The following PDZD4 variants were observed in gnomAD, a reference collection of about 807,000 sequenced individuals.
PDZD4 encodes the protein PDZ domain containing 4.
Under a neutral mutation model 38.5 loss-of-function variants are expected in PDZD4, and 9 were observed. The ratio of observed to expected loss-of-function variants is 0.23; its 90% CI spans 0.14 to 0.41. PDZD4 has a LOEUF of 0.41. PDZD4 is among the 10% of genes least tolerant of loss of function. The pLI, the probability that PDZD4 is intolerant of heterozygous loss-of-function variation, is 1.00. For missense variants in PDZD4, 612 were observed against 722.0 expected (o/e 0.85, Z 1.75); for synonymous variants, 349 against 315.7 (o/e 1.11, Z -1.12).
rs782159463 is a variant in PDZD4 at position 153,830,324 on chromosome X, A to AG, written c.-27dup. 1 of 1,186,678 alleles carries AG rather than the reference A, an allele frequency of 8.4e-7. No homozygotes were observed. The highest frequency in any genetic ancestry group is 3.1e-5 in the East Asian group (1 of 32,195). ...GTTGCTGGCCGGCGAGAGGAGGCGG[A>AG]GGGCGGGAACGGGAAGACGCCTTTC... On this transcript the variant is annotated 5_prime_UTR_variant, in exon 1 of 8. Transcript: ENST00000393758.
At chrX:153,808,634 C>T (rs1557078089) in intron 1 of PDZD4, 39 bp from the exon 2 acceptor site, 2 of 1,113,642 alleles carry the variant, frequency 1.8e-6, no homozygotes, top group South Asian at 2.3e-5. Context: ...CCCTCAAAGG[C>T]TTGCTCCTCC....
chrX:153,806,917 C>A (rs2064256589), intron 3 of PDZD4, 77 bp from the exon 4 acceptor site: 36 of 896,470 alleles, frequency 4.0e-5, no homozygotes, highest in Non-Finnish European at 5.8e-5. Flanking sequence ...GCAGCACAGC[C>A]CAGCCCCTCA....
rs782328094 is a variant in PDZD4, at chrX:153,805,618, A to G, written c.568-12T>C. ...TCTACACCGTTAATCTGAGGCAGGC[A>G]GGATACAATCAACAAGCATGCTAGG... On this transcript the variant is annotated splice_polypyrimidine_tract_variant and intron_variant, in intron 5 of 7. Coordinates refer to ENST00000393758, the MANE Select transcript of PDZD4 (RefSeq NM_001303512.2). The G allele has an allele frequency of 1.7e-6, 2 of 1,190,826 alleles. No homozygotes were observed. Among genetic ancestry groups the G allele is most frequent in the South Asian group, 3.5e-5 (2 of 56,619 alleles).
At chrX:153,819,652 G>T (rs1456407598) in intron 1 of PDZD4, among the ~76,000 whole-genome samples, 5 of 112,477 alleles carry the variant, frequency 4.4e-5, no homozygotes, top group African/African-American at 1.6e-4. Flanking sequence ...CTGCCGTCTG[G>T]AGTATCCAGG....
intron 1 of PDZD4, among the ~76,000 whole-genome samples, chrX:153,812,901 A>C: frequency 9.5e-6 from 1 of 105,236 alleles, no homozygotes; most frequent in African/African-American, 3.5e-5. Flanking sequence ...CTACTCGACC[A>C]CTCCAGTCTC....
intron 1 of PDZD4, among the ~76,000 whole-genome samples, chrX:153,818,083 G>A (rs1455973230): frequency 1.8e-5 from 2 of 111,601 alleles, no homozygotes; most frequent in Admixed American, 9.5e-5. Context: ...CTATCTCTAC[G>A]AAAAATACAA....
chrX:153,825,275 GTACCAGGGGTT>G (rs1557082289), intron 1 of PDZD4, among the ~76,000 whole-genome samples: 1 of 112,540 alleles, frequency 8.9e-6, no homozygotes, highest in Admixed American at 9.4e-5. Context: ...CCAGTCCTAA[GTACCAGGGGTT>G]TATCCCCTGA....
At chrX:153,830,070 C>T in intron 1 of PDZD4, 169 bp downstream of exon 1, 1 of 567,951 alleles carries the variant, frequency 1.8e-6, no homozygotes, top group Non-Finnish European at 2.5e-6. Flanking sequence ...TGGCTGGTTC[C>T]CACGGAGCGC....
In PDZD4 at chrX:153,806,657, G is replaced by A. The variant is rs1603262017; in HGVS notation, c.504+85C>T. 73 of 876,457 alleles carry A rather than the reference G, an allele frequency of 8.3e-5. 1 individual carries two copies. The South Asian group carries it at 1.3e-3, about 16-fold the overall frequency. The allele number at this position is 876,457 out of a possible 1,213,427, so 72.2% of individuals were successfully genotyped here. A position where few individuals can be genotyped will look rare whatever the true frequency, so the allele number is the denominator to read the frequency against. On this transcript the variant is annotated intron_variant, in intron 4 of 7. Transcript: ENST00000393758. Reference sequence around the variant, plus strand: ...CCCTAGCTGTGATGCCCTGTTTCTGGTAGCTGGGACCTTAAGGGCAGCCTC... The same window carrying A: ...CCCTAGCTGTGATGCCCTGTTTCTGATAGCTGGGACCTTAAGGGCAGCCTC...
rs2064531423 is a variant in PDZD4, at chrX:153,830,431, G to T, written c.-133C>A. 1 of 485,547 alleles carries T rather than the reference G, an allele frequency of 2.1e-6. No homozygotes were observed. The highest frequency in any genetic ancestry group is 3.5e-5 in the South Asian group (1 of 28,509). 40.0% of individuals were successfully genotyped at this position (485,547 alleles called of 1,213,427 possible). ...CGCGGGGGGCGGGCCGCCTAGCGGG[G>T]GAGGGGGGCACGCCCCCGAGGTGGG... is the stretch of plus-strand genomic sequence containing the variant. On this transcript the variant is annotated 5_prime_UTR_variant, in exon 1 of 8. Transcript: ENST00000393758.
At chrX:153,811,388 C>A (rs1398051687) in intron 1 of PDZD4, among the ~76,000 whole-genome samples, 4 of 112,293 alleles carry the variant, frequency 3.6e-5, no homozygotes, top group Non-Finnish European at 7.5e-5. Context: ...CCTCCTGCCT[C>A]AGCCTCCCAA....
chrX:153,823,233 AT>A (rs374179447), intron 1 of PDZD4, among the ~76,000 whole-genome samples: 1 of 68,648 alleles, frequency 1.5e-5, no homozygotes, highest in Non-Finnish European at 2.9e-5. Flanking sequence ...ATATATATAT[AT>A]TTTTTTTTGA....
rs888161972 is a variant in PDZD4 at position 153,806,932 on chromosome X, G to T, written c.406-92C>A. 16 of 768,249 alleles carry T rather than the reference G, an allele frequency of 2.1e-5. No homozygotes were observed. In the South Asian group the frequency reaches 3.5e-4, roughly 17 times the overall value. 63.3% of individuals were successfully genotyped at this position (768,249 alleles called of 1,213,427 possible). A position where few individuals can be genotyped will look rare whatever the true frequency, so the allele number is the denominator to read the frequency against. ...GCAGCACAGCCCAGCCCCTCAGCCC[G>T]CAACCCCTCAGCCCGCAGCCCCTCA... On this transcript the variant is annotated intron_variant, in intron 3 of 7. Transcript: ENST00000393758.
In PDZD4 at chrX:153,803,834, C is replaced by A. The variant is rs782399681; in HGVS notation, c.1847G>T (p.Gly616Val). ...PLSLAGGPRV[G>V]GVAAAATEAP... ...TTCAGTGGCCGCGGCCGCCACCCCG[C>A]CCACCCGAGGGCCACCGGCCAAGCT... Residue 616 changes from glycine (G) to valine (V), a missense_variant, in exon 8 of 8, where the codon GGC becomes GTC. Physicochemically the swap from Gly to Val is moderately radical, Grantham distance 109. Coordinates refer to ENST00000393758, the MANE Select transcript of PDZD4 (RefSeq NM_001303512.2). 2.3e-5 allele frequency: 27 copies of A among 1,195,605 alleles called. No individual in the cohort carries two copies. Among genetic ancestry groups the A allele is most frequent in the Non-Finnish European group, 2.2e-6 (2 of 889,688 alleles).
At chrX:153,830,073 C>T in intron 1 of PDZD4, 166 bp downstream of exon 1, 1 of 572,371 alleles carries the variant, frequency 1.7e-6, no homozygotes, top group Non-Finnish European at 2.5e-6. Flanking sequence ...CTGGTTCCCA[C>T]GGAGCGCCAA....
chrX:153,823,052 T>A (rs1282629105), intron 1 of PDZD4, among the ~76,000 whole-genome samples: 1 of 110,157 alleles, frequency 9.1e-6, no homozygotes, highest in Admixed American at 9.8e-5. Context: ...TTTCATTATT[T>A]TTTATTTAAT....
intron 1 of PDZD4, among the ~76,000 whole-genome samples, chrX:153,810,980 C>CT (rs1231634063): frequency 3.6e-5 from 4 of 111,641 alleles, no homozygotes; most frequent in Admixed American, 9.5e-5. Context: ...TTTTTGGGGG[C>CT]TTTTTTTTGT....
Position 153,805,518 on chromosome X carries a change from C to T in PDZD4, c.656G>A (p.Arg219Gln). ...AGGCATACACACCTGACTCTCAGGT[C>T]GGGCCACCAGCAGGGAGATGTTGGT... is the stretch of plus-strand genomic sequence containing the variant. ...ENTNISLLVA[R>Q]PESQLAKRWK... Residue 219 changes from arginine (R) to glutamine (Q), a missense_variant, in exon 6 of 8, where the codon CGA becomes CAA. Arg to Gln is a conservative substitution (Grantham distance 43). This residue lies in a region of PDZD4 where 225 missense variants were observed against 311.0 expected (regional missense o/e 0.72). Coordinates refer to ENST00000393758, the MANE Select transcript of PDZD4 (RefSeq NM_001303512.2). 3.3e-6 allele frequency: 4 copies of T among 1,209,327 alleles called. No homozygotes were observed. The highest frequency in any genetic ancestry group is 4.5e-6 in the Non-Finnish European group (4 of 894,266).
intron 1 of PDZD4, among the ~76,000 whole-genome samples, chrX:153,826,769 C>T (rs1299264274): frequency 1.4e-4 from 16 of 111,775 alleles, no homozygotes; most frequent in Admixed American, 1.0e-3. Context: ...ATTAAGAAAA[C>T]GATTCCATTT....
Sources: gnomAD v4.1 joint callset for allele counts (sites outside exome capture counted in the v4.1 genomes callset) on GRCh38, gnomAD v4.1.1 for gene constraint, gnomAD v4.1.1 regional missense constraint, MANE v1.5 for transcripts, NCBI Gene and HGNC (gene_info 2026-07-23, HGNC 2026-07-21) for gene names.